The following KNTC1 variants were observed in gnomAD, a reference collection of about 807,000 sequenced individuals.
KNTC1 encodes the protein kinetochore-associated protein 1.
Under a neutral mutation model 314.4 loss-of-function variants are expected in KNTC1, and 253 were observed. That is an observed-to-expected ratio of 0.80 (90% confidence interval 0.73 to 0.89). KNTC1 has a LOEUF of 0.89. KNTC1 is among the 40% of genes least tolerant of loss of function. The probability of loss-of-function intolerance (pLI) is 0.00; values close to 1 mark genes in which losing one functional copy is unlikely to be tolerated. For missense variants in KNTC1, 2,475 were observed against 2,572.9 expected (o/e 0.96, Z 0.82); for synonymous variants, 901 against 901.4 (o/e 1.00, Z 0.01).
chr12:122,615,648 A>G, intron 57 of KNTC1, 122 bp downstream of exon 57: 1 of 894,764 alleles, frequency 1.1e-6, no homozygotes, highest in East Asian at 3.0e-5. Flanking sequence ...TGAGCCAAGT[A>G]CAGTGGCTCA....
Position 122,621,899 on chromosome 12 carries a change from G to A in KNTC1, c.6298G>A (p.Asp2100Asn). The A allele has an allele frequency of 6.2e-7, 1 of 1,602,516 alleles. No individual in the cohort carries two copies. Among genetic ancestry groups the A allele is most frequent in the Non-Finnish European group, 8.5e-7 (1 of 1,174,174 alleles). ...TCTCTAGAATTTTCTGGGTTCCTGT[G>A]ACCCTCAGGTTATTTTAAAGCAATT... is the stretch of plus-strand genomic sequence containing the variant. ...QQIKNFLGSC[D>N]PQVILKQLEE... The change falls in exon 61 of 64, where the codon GAC becomes AAC. Residue 2100 changes from aspartate (D) to asparagine (N), a missense_variant. Physicochemically the swap from Asp to Asn is conservative, Grantham distance 23. Coordinates refer to ENST00000333479, the MANE Select transcript of KNTC1 (RefSeq NM_014708.6).
chr12:122,528,723 C>T (rs892421222), intron 1 of KNTC1, among the ~76,000 whole-genome samples: 10 of 152,220 alleles, frequency 6.6e-5, no homozygotes, highest in Non-Finnish European at 1.3e-4. Flanking sequence ...CTAGGAACAT[C>T]TGCCTGTATA....
At chr12:122,536,040 C>G (rs1487102757) in intron 3 of KNTC1, among the ~76,000 whole-genome samples, 1 of 150,456 alleles carries the variant, frequency 6.6e-6, no homozygotes, top group African/African-American at 2.4e-5. Flanking sequence ...ACTACAGGCG[C>G]CCACCACCAT....
At chr12:122,624,891 G>A in intron 63 of KNTC1, 1 of 537,190 alleles carries the variant, frequency 1.9e-6, no homozygotes, top group Non-Finnish European at 3.4e-6. Context: ...CTGCCACTGG[G>A]CAGCAAAGCC....
chr12:122,552,033 G>A (rs1161124558), intron 16 of KNTC1, among the ~76,000 whole-genome samples: 1 of 151,996 alleles, frequency 6.6e-6, no homozygotes, highest in South Asian at 2.1e-4. Context: ...TCAGCCTACC[G>A]AGTAGCTGGG....
At chr12:122,557,819 A>G (rs1351009348) in intron 18 of KNTC1, 130 bp downstream of exon 18, 1 of 638,014 alleles carries the variant, frequency 1.6e-6, no homozygotes, top group Non-Finnish European at 2.7e-6. Flanking sequence ...AAGTTTTTAT[A>G]ATAGCTTAAT....
intron 19 of KNTC1, 137 bp downstream of exon 19, chr12:122,562,111 A>C: frequency 2.5e-6 from 2 of 793,124 alleles, no homozygotes; most frequent in South Asian, 3.4e-5. Context: ...AAATGGTAAT[A>C]TTAATAGGTA....
chr12:122,594,032 A>G (rs1241610528), intron 42 of KNTC1: 1 of 460,460 alleles, frequency 2.2e-6, no homozygotes, highest in Non-Finnish European at 3.9e-6. Flanking sequence ...TTCTGTTGAC[A>G]TTAACAATCA....
At chr12:122,588,674 G>C in intron 39 of KNTC1, 38 bp from the exon 40 acceptor site, 1 of 1,403,608 alleles carries the variant, frequency 7.1e-7, no homozygotes, top group Non-Finnish European at 9.5e-7. Context: ...ATGTTATATA[G>C]AACTAGACCT....
At chr12:122,532,206 C>CTTTTT (rs139344183) in intron 2 of KNTC1, among the ~76,000 whole-genome samples, 6 of 99,538 alleles carry the variant, frequency 6.0e-5, no homozygotes, top group Non-Finnish European at 1.0e-4. Context: ...GCTAATTTTT[C>CTTTTT]TTTTTTTTTT....
intron 5 of KNTC1, among the ~76,000 whole-genome samples, chr12:122,540,328 A>C (rs1176311713): frequency 2.0e-5 from 3 of 151,268 alleles, no homozygotes; most frequent in African/African-American, 7.3e-5. Context: ...ACCTGCCACC[A>C]CGCCTGGCTA....
intron 16 of KNTC1, among the ~76,000 whole-genome samples, chr12:122,555,503 G>C (rs893368520): frequency 6.6e-6 from 1 of 151,944 alleles, no homozygotes; most frequent in African/African-American, 2.4e-5. Flanking sequence ...GTGAGCTGAG[G>C]TTACACTTAC....
intron 1 of KNTC1, among the ~76,000 whole-genome samples, chr12:122,528,632 G>A: frequency 6.6e-6 from 1 of 152,156 alleles, no homozygotes; most frequent in South Asian, 2.1e-4. Context: ...ATGGGAGATT[G>A]GTTCCAGGAC....
chr12:122,557,787 G>T (rs1226346904), intron 18 of KNTC1, 98 bp downstream of exon 18: 2 of 792,906 alleles, frequency 2.5e-6, no homozygotes, highest in Admixed American at 2.7e-5. Flanking sequence ...CCTCCTATCC[G>T]CTATGTGTAT....
intron 16 of KNTC1, among the ~76,000 whole-genome samples, chr12:122,554,072 A>ATATATATATATAT (rs1214945831): frequency 3.1e-5 from 2 of 64,022 alleles, no homozygotes; most frequent in African/African-American, 1.3e-4. Context: ...CTTAAAAAAA[A>ATATATATATATAT]AAAAATATAT....
At chr12:122,542,981 C>T (rs981695384) in intron 6 of KNTC1, among the ~76,000 whole-genome samples, 4 of 151,986 alleles carry the variant, frequency 2.6e-5, no homozygotes, top group Non-Finnish European at 4.4e-5. Flanking sequence ...GGTATGATAT[C>T]GGCTCACTGC....
rs1965059445 is a variant in KNTC1 at position 122,576,810 on chromosome 12, T to TG, written c.2587-85_2587-84insG. On this transcript the variant is annotated intron_variant, in intron 29 of 63. Transcript: ENST00000333479. The stretch of plus-strand genomic sequence containing the variant: ...TTTTTTGCTGCATTATTTAAATTTT[T>TG]TTGCCACTTTGCTCTTATAAGCAAG... The TG allele has an allele frequency of 2.8e-6, 3 of 1,068,608 alleles. No homozygotes were observed. In the Admixed American group the frequency reaches 9.6e-5, roughly 34 times the overall value. The allele number at this position is 1,068,608 out of a possible 1,614,324, so 66.2% of individuals were successfully genotyped here. A position where few individuals can be genotyped will look rare whatever the true frequency, so the allele number is the denominator to read the frequency against.
intron 63 of KNTC1, among the ~76,000 whole-genome samples, chr12:122,625,545 C>A (rs1313730430): frequency 1.4e-5 from 2 of 147,840 alleles, no homozygotes; most frequent in Non-Finnish European, 3.0e-5. Context: ...CCAGCCTGGG[C>A]GACAAGAGCA....
chr12:122,575,487 T>C, intron 27 of KNTC1, 56 bp from the exon 28 acceptor site: 4 of 1,173,090 alleles, frequency 3.4e-6, no homozygotes, highest in Non-Finnish European at 5.0e-6. Flanking sequence ...TGCTGTTCAC[T>C]TGCATGCATC....
Sources: allele counts gnomAD v4.1 joint callset (sites outside exome capture counted in the v4.1 genomes callset), GRCh38; gene constraint gnomAD v4.1.1; transcripts MANE v1.5; gene names NCBI Gene and HGNC (gene_info 2026-07-23, HGNC 2026-07-21).